NEK7: variants seen among roughly 807,000 people sequenced by gnomAD.
NEK7 encodes NIMA related kinase 7, also known as serine/threonine-protein kinase Nek7.
Under a neutral mutation model 44.6 loss-of-function variants are expected in NEK7, and 18 were observed. That is an observed-to-expected ratio of 0.40 (90% CI 0.28 to 0.60). The LOEUF (loss-of-function observed/expected upper bound fraction) is 0.60. Among genes scored for constraint, NEK7 ranks in the 20% least tolerant of loss-of-function variants. The pLI is 0.38. For synonymous variants in NEK7, 130 were observed against 121.1 expected, an observed-to-expected ratio of 1.07 and a Z score of -0.48; for missense variants, 256 against 366.5, an observed-to-expected ratio of 0.70 and a Z score of 2.46.
At chr1:198,303,500 C>G (rs529959184) in intron 9 of NEK7, among the ~76,000 whole-genome samples, 3 of 151,158 alleles carry the variant, frequency 2.0e-5, no homozygotes, top group South Asian at 4.2e-4. Flanking sequence ...GAAAAAAAAA[C>G]AAGATGAAAG....
chr1:198,278,660 T>G (rs1426774347), intron 6 of NEK7, among the ~76,000 whole-genome samples: 2 of 151,882 alleles, frequency 1.3e-5, no homozygotes, highest in African/African-American at 2.4e-5. Flanking sequence ...GACACGTGTA[T>G]TTTGTGCTTT....
rs773843922 is a variant in NEK7, at chr1:198,253,086, G to A, written c.104G>A (p.Arg35Gln). Residue 35 changes from arginine (R) to glutamine (Q), a missense_variant, in exon 3 of 10, where the codon CGA becomes CAA. Arg to Gln is a conservative substitution (Grantham distance 43). Around this residue, in one of 3 missense-constraint regions of NEK7, gnomAD observed 96 missense variants for 94.9 expected, o/e 1.01. Transcript: ENST00000367385. ...DMGYNTLANF[R>Q]IEKKIGRGQF... ...GGCTATAATACATTAGCCAACTTTC[G>A]AATAGAAAAGAAAATTGGTCGCGGA... 21 of 1,612,144 alleles carry A rather than the reference G, an allele frequency of 1.3e-5. No individual in the cohort carries two copies. Among genetic ancestry groups the A allele is most frequent in the Admixed American group, 3.3e-5 (2 of 59,910 alleles).
In NEK7 at chr1:198,239,632, T is replaced by G. The variant is rs114191867; in HGVS notation, c.57+6995T>G. Among the ~76,000 whole-genome samples the G allele has an allele frequency of 3.7e-3, 557 of 152,260 alleles. 2 individuals carry two copies. Among genetic ancestry groups the G allele is most frequent in the African/African-American group, 0.013 (541 of 41,546 alleles). ...AATATGCTTTGTGAGTATTGTTTAC[T>G]TTTGTATATCATATTTTATATCAGT... On this transcript the variant is annotated intron_variant, in intron 2 of 9. Coordinates refer to ENST00000367385, the MANE Select transcript of NEK7 (RefSeq NM_133494.3).
chr1:198,319,386 G>A lies in NEK7; in HGVS notation c.799-26G>A, dbSNP rs200834585. 7 of 1,548,772 alleles carry A rather than the reference G, an allele frequency of 4.5e-6. No individual in the cohort carries two copies. In the Admixed American group the frequency reaches 5.3e-5, roughly 12 times the overall value. On this transcript the variant is annotated intron_variant, in intron 9 of 9. Transcript: ENST00000367385. Reference sequence around the variant, plus strand: ...AACCAAAAATAGTTGTCTTAATCAGGTTTTATTGTTTTTCTTTCTTCACAG... The same window carrying A: ...AACCAAAAATAGTTGTCTTAATCAGATTTTATTGTTTTTCTTTCTTCACAG...
At chr1:198,250,733 A>T (rs565856187) in intron 2 of NEK7, among the ~76,000 whole-genome samples, 1 of 144,734 alleles carries the variant, frequency 6.9e-6, no homozygotes, top group East Asian at 2.0e-4. Flanking sequence ...TTGATTTTGT[A>T]TCCTGAGACT....
chr1:198,293,313 C>G (rs1654614869), intron 8 of NEK7, among the ~76,000 whole-genome samples: 1 of 151,872 alleles, frequency 6.6e-6, no homozygotes, highest in Non-Finnish European at 1.5e-5. Context: ...CTATATCTTG[C>G]ATTTGTAAAA....
chr1:198,259,728 G>T (rs1008467031), intron 3 of NEK7, among the ~76,000 whole-genome samples: 9 of 152,074 alleles, frequency 5.9e-5, no homozygotes, highest in African/African-American at 1.7e-4. Context: ...TCCCTTTGGG[G>T]GAATGAATGG....
At chr1:198,286,465 C>G (rs1297078274) in intron 7 of NEK7, among the ~76,000 whole-genome samples, 1 of 151,566 alleles carries the variant, frequency 6.6e-6, no homozygotes, top group African/African-American at 2.4e-5. Context: ...CTCTTACCCC[C>G]TCGGTCCTTA....
At chr1:198,186,042 G>A (rs1334724884) in intron 1 of NEK7, among the ~76,000 whole-genome samples, 1 of 152,196 alleles carries the variant, frequency 6.6e-6, no homozygotes, top group Admixed American at 6.5e-5. Context: ...GAGCTATGCT[G>A]CAGCCCTTGA....
At chr1:198,313,189 T>C (rs1445771395) in intron 9 of NEK7, among the ~76,000 whole-genome samples, 1 of 152,232 alleles carries the variant, frequency 6.6e-6, no homozygotes, top group Admixed American at 6.5e-5. Flanking sequence ...TTTACCATTA[T>C]GTAATGGCCT....
At chr1:198,243,209 A>C (rs1468350748) in intron 2 of NEK7, among the ~76,000 whole-genome samples, 1 of 152,096 alleles carries the variant, frequency 6.6e-6, no homozygotes, top group Non-Finnish European at 1.5e-5. Context: ...TAAAATAACT[A>C]TCCACTGGTT....
intron 1 of NEK7, 100 bp downstream of exon 1, chr1:198,157,376 C>G (rs929121325): frequency 1.3e-5 from 2 of 152,322 alleles, no homozygotes; most frequent in Non-Finnish European, 2.9e-5. Flanking sequence ...CGGGACCGCG[C>G]GGGGCGGCCT....
Position 198,253,167 on chromosome 1 carries a change from T to TA in NEK7, c.192dup (p.Val65SerfsTer5). 6.2e-7 allele frequency: 1 copy of TA among 1,601,150 alleles called. No homozygotes were observed. The highest frequency in any genetic ancestry group is 8.5e-7 in the Non-Finnish European group (1 of 1,173,294). On this transcript the variant is annotated frameshift_variant, in exon 3 of 10. Transcript: ENST00000367385. LOFTEE classifies it high-confidence loss of function. Reference sequence around the variant, plus strand: ...CTCTTGGATGGAGTACCAGTAGCTTTAAAAAAAGTGCAGGTAAGATGACTT... The same window carrying TA: ...CTCTTGGATGGAGTACCAGTAGCTTTAAAAAAAAGTGCAGGTAAGATGACTT...
At chr1:198,259,498 C>A (rs925246884) in intron 3 of NEK7, among the ~76,000 whole-genome samples, 2 of 152,076 alleles carry the variant, frequency 1.3e-5, no homozygotes, top group Non-Finnish European at 2.9e-5. Flanking sequence ...TTGTGCTTTC[C>A]AGTATATCTT....
chr1:198,184,220 T>G (rs945688586), intron 1 of NEK7, among the ~76,000 whole-genome samples: 2 of 152,180 alleles, frequency 1.3e-5, no homozygotes, highest in African/African-American at 4.8e-5. Flanking sequence ...CTGGGCAATT[T>G]TCACAAATGA....
chr1:198,200,717 A>C (rs1054439498), intron 1 of NEK7, among the ~76,000 whole-genome samples: 1 of 151,766 alleles, frequency 6.6e-6, no homozygotes, highest in African/African-American at 2.4e-5. Flanking sequence ...AACCTGGCTA[A>C]TTTTTGTATT....
intron 2 of NEK7, among the ~76,000 whole-genome samples, chr1:198,238,379 T>G (rs1666593535): frequency 6.6e-6 from 1 of 152,154 alleles, no homozygotes; most frequent in Non-Finnish European, 1.5e-5. Flanking sequence ...AACCACAGCT[T>G]TGAGGCTTAT....
intron 1 of NEK7, among the ~76,000 whole-genome samples, chr1:198,159,135 C>G (rs886760428): frequency 1.3e-5 from 2 of 152,216 alleles, no homozygotes; most frequent in African/African-American, 2.4e-5. Flanking sequence ...GCTCCGCCCT[C>G]CGGAGTACTG....
chr1:198,316,863 C>T (rs1244741531), intron 9 of NEK7, among the ~76,000 whole-genome samples: 2 of 152,178 alleles, frequency 1.3e-5, no homozygotes, highest in African/African-American at 2.4e-5. Context: ...GAAAATGAGT[C>T]ATTCTCTCAC....
Sources: allele counts gnomAD v4.1 joint callset (sites outside exome capture counted in the v4.1 genomes callset), GRCh38; gene constraint gnomAD v4.1.1; regional missense constraint gnomAD v4.1.1; transcripts MANE v1.5; gene names NCBI Gene and HGNC (gene_info 2026-07-23, HGNC 2026-07-21).